Variants in COPB1 observed in about 807,000 individuals in gnomAD.
COPB1 encodes the protein coat protein complex I subunit beta 1.
COPB1 carries 21 observed loss-of-function variants against 108.7 expected under a neutral mutation model. The observed-to-expected ratio is 0.19, with a 90% CI of 0.14 to 0.28. The LOEUF is 0.28. COPB1 is among the 10% of genes least tolerant of loss of function. The pLI is 1.00. For missense variants in COPB1, 919 were observed against 1,141.3 expected (o/e 0.81, Z 2.81); for synonymous variants, 378 against 386.8 (o/e 0.98, Z 0.27).
intron 4 of COPB1, among the ~76,000 whole-genome samples, chr11:14,491,681 A>C (rs1850909463): frequency 6.6e-6 from 1 of 152,094 alleles, no homozygotes; most frequent in Non-Finnish European, 1.5e-5. Flanking sequence ...AAAAAAAAAA[A>C]AAAAAGGAAC....
intron 17 of COPB1, among the ~76,000 whole-genome samples, chr11:14,465,572 A>G (rs1399839310): frequency 6.6e-6 from 1 of 152,226 alleles, no homozygotes; most frequent in Non-Finnish European, 1.5e-5. Flanking sequence ...AAAAAGCTTA[A>G]GTCTTAAACT....
Position 14,494,330 on chromosome 11 carries a change from T to G in COPB1, c.201A>C (p.Leu67=), listed in dbSNP as rs371594097. ...TCTTGATAGTGTGATCCTGAAGAGG[T>G]AGCACAAAACGAATGATGGTCATCA... ...GLLMTIIRFV[L]PLQDHTIKKL... The change falls in exon 3 of 22, where the codon CTA becomes CTC. Residue 67 remains leucine, a synonymous_variant. Transcript: ENST00000439561. 18 of 1,613,354 alleles carry G rather than the reference T, an allele frequency of 1.1e-5. No homozygotes were observed. The highest frequency in any genetic ancestry group is 1.4e-5 in the Non-Finnish European group (17 of 1,179,530).
intron 17 of COPB1, among the ~76,000 whole-genome samples, chr11:14,465,245 C>T (rs538731014): frequency 2.0e-5 from 3 of 152,216 alleles, no homozygotes; most frequent in African/African-American, 7.2e-5. Context: ...TATTATTCAC[C>T]ATCAATAGGC....
intron 12 of COPB1, among the ~76,000 whole-genome samples, chr11:14,476,387 CAACT>C (rs1293860338): frequency 1.3e-5 from 2 of 152,176 alleles, no homozygotes; most frequent in South Asian, 2.1e-4. Context: ...ATAACCTCAT[CAACT>C]AACTTTTAAA....
At chr11:14,495,443 A>G (rs958069340) in intron 2 of COPB1, among the ~76,000 whole-genome samples, 1 of 152,252 alleles carries the variant, frequency 6.6e-6, no homozygotes. Context: ...TAATGATTAG[A>G]GCTAAGCGGC....
chr11:14,489,572 C>T (rs1029956356), intron 5 of COPB1, among the ~76,000 whole-genome samples: 2 of 152,008 alleles, frequency 1.3e-5, no homozygotes, highest in African/African-American at 2.4e-5. Context: ...CAACACATGC[C>T]GCAACATAAA....
chr11:14,485,664 T>C (rs1036292922), intron 7 of COPB1, among the ~76,000 whole-genome samples: 2 of 152,058 alleles, frequency 1.3e-5, no homozygotes, highest in Non-Finnish European at 2.9e-5. Flanking sequence ...CTGGCCAACA[T>C]GGTGAAACTC....
At position 14,461,248 on chromosome 11, in the gene COPB1, G is replaced by A. The variant is rs750580085; in HGVS notation, c.2494C>T (p.Pro832Ser). 9 of 1,613,992 alleles carry A rather than the reference G, an allele frequency of 5.6e-6. No individual in the cohort carries two copies. Among genetic ancestry groups the A allele is most frequent in the Admixed American group, 5.0e-5 (3 of 60,004 alleles). The change falls in exon 19 of 22, where the codon CCT (proline) becomes TCT (serine). Residue 832 changes from proline to serine, a missense_variant. Around this residue, in one of 5 missense-constraint regions of COPB1, gnomAD observed 705 missense variants for 817.8 expected, o/e 0.86. Coordinates refer to ENST00000439561, the MANE Select transcript of COPB1 (RefSeq NM_001144061.2). ...AATTCTGCATCAGTGCAAGTTGCAG[G>A]CTGGATATAGTCCATGATGTCGATG... ...IHIDIMDYIQ[P>S]ATCTDAEFRQ... is the part of the protein sequence containing the mutation.
intron 17 of COPB1, among the ~76,000 whole-genome samples, chr11:14,465,427 G>A (rs776579026): frequency 6.6e-6 from 1 of 152,094 alleles, no homozygotes; most frequent in Non-Finnish European, 1.5e-5. Flanking sequence ...TGATCTTCCA[G>A]GCTCAAGCGA....
intron 4 of COPB1, among the ~76,000 whole-genome samples, chr11:14,491,241 T>C (rs1167977270): frequency 1.3e-5 from 2 of 152,078 alleles, no homozygotes; most frequent in African/African-American, 4.8e-5. Flanking sequence ...AGAGACAGCA[T>C]TTTGCCACGT....
At position 14,481,109 on chromosome 11, in the gene COPB1, G is replaced by A; in HGVS notation, c.958-12C>T. 1 of 1,590,138 alleles carries A rather than the reference G, an allele frequency of 6.3e-7. No individual in the cohort carries two copies. Among genetic ancestry groups the A allele is most frequent in the Non-Finnish European group, 8.6e-7 (1 of 1,168,346 alleles). On this transcript the variant is annotated splice_polypyrimidine_tract_variant and intron_variant, in intron 8 of 21. Transcript: ENST00000439561. ...TCCATAACCAGATCCTAAAAAAGAAGAAAAAATCAAGAATTAACACCAATC... is the reference window on the plus strand; with the variant it reads ...TCCATAACCAGATCCTAAAAAAGAAAAAAAAATCAAGAATTAACACCAATC...
intron 10 of COPB1, among the ~76,000 whole-genome samples, chr11:14,480,183 A>T (rs1850631076): frequency 6.6e-6 from 1 of 152,230 alleles, no homozygotes; most frequent in Non-Finnish European, 1.5e-5. Context: ...CAAAGTCACA[A>T]TGGCTTTTCC....
chr11:14,477,566 T>C (rs921750026), intron 11 of COPB1, among the ~76,000 whole-genome samples: 1 of 149,686 alleles, frequency 6.7e-6, no homozygotes, highest in Non-Finnish European at 1.5e-5. Flanking sequence ...GTGATGCACA[T>C]CTGTAATCCC....
chr11:14,477,389 C>CAAAAAAAAAAAAAAAAAAAAAAAA lies in COPB1; in HGVS notation c.1359-375_1359-374insTTTTTTTTTTTTTTTTTTTTTTTT, dbSNP rs61014253. The stretch of plus-strand genomic sequence containing the variant: ...TGGGTGACAGAGCGAGACTCCGTCT[C>CAAAAAAAAAAAAAAAAAAAAAAAA]AAAAAAAAAAAAAAAACAAGGGCCA... On this transcript the variant is annotated intron_variant, in intron 11 of 21. Coordinates refer to ENST00000439561, the MANE Select transcript of COPB1 (RefSeq NM_001144061.2). Among the ~76,000 whole-genome samples, 12 of 73,286 alleles carry CAAAAAAAAAAAAAAAAAAAAAAAA rather than the reference C, an allele frequency of 1.6e-4. 1 individual carries two copies. The highest frequency in any genetic ancestry group is 4.6e-4 in the East Asian group (1 of 2,186). 48.1% of individuals were successfully genotyped at this position (73,286 alleles called of 152,430 possible). A position where few individuals can be genotyped will look rare whatever the true frequency, so the allele number is the denominator to read the frequency against.
At chr11:14,464,747 G>A (rs1850241804) in intron 18 of COPB1, among the ~76,000 whole-genome samples, 164 bp downstream of exon 18, 1 of 151,926 alleles carries the variant, frequency 6.6e-6, no homozygotes, top group South Asian at 2.1e-4. Flanking sequence ...GTTCATTTCT[G>A]TACATCCAGA....
chr11:14,492,497 C>T (rs1589968821), intron 4 of COPB1, among the ~76,000 whole-genome samples: 3 of 152,146 alleles, frequency 2.0e-5, no homozygotes, highest in African/African-American at 4.8e-5. Flanking sequence ...GCATGTGCCA[C>T]CACGCCCAGC....
intron 11 of COPB1, among the ~76,000 whole-genome samples, chr11:14,478,532 G>A (rs1850579506): frequency 6.8e-6 from 1 of 147,152 alleles, no homozygotes; most frequent in South Asian, 2.2e-4. Flanking sequence ...GAGGCAAGGT[G>A]TTGAACTGAA....
At chr11:14,476,741 G>A (rs1404283506) in intron 12 of COPB1, among the ~76,000 whole-genome samples, 178 bp downstream of exon 12, 1 of 144,836 alleles carries the variant, frequency 6.9e-6, no homozygotes, top group Non-Finnish European at 1.5e-5. Flanking sequence ...GGCTAAAGCA[G>A]AATTTTACAA....
rs375747011 is a variant in COPB1, at chr11:14,480,755, A to G, written c.1212+4T>C. On this transcript the variant is annotated splice_donor_region_variant and intron_variant, in intron 10 of 21. Coordinates refer to ENST00000439561, the MANE Select transcript of COPB1 (RefSeq NM_001144061.2). The stretch of plus-strand genomic sequence containing the variant: ...TCAAAATTAAAGTCATCAGAATTAC[A>G]TACCACAGGAATAACATTTGCAGCC... The G allele has an allele frequency of 1.7e-5, 27 of 1,607,150 alleles. No homozygotes were observed. The African/African-American group carries it at 3.5e-4, about 21-fold the overall frequency.
Sources: gnomAD v4.1 joint callset for allele counts (sites outside exome capture counted in the v4.1 genomes callset) on GRCh38, gnomAD v4.1.1 for gene constraint, gnomAD v4.1.1 regional missense constraint, MANE v1.5 for transcripts, NCBI Gene and HGNC (gene_info 2026-07-23, HGNC 2026-07-21) for gene names.